The following ANK3 variants were observed in gnomAD, a reference collection of about 807,000 sequenced individuals.
ANK3 encodes the protein ankyrin-3.
In ANK3, 57 loss-of-function variants were observed where a neutral mutation model predicts 370.9. The ratio of observed to expected loss-of-function variants is 0.15; its 90% CI spans 0.12 to 0.19. The LOEUF is 0.19. ANK3 is among the 10% of genes least tolerant of loss of function. The probability of loss-of-function intolerance (pLI) is 1.00; values close to 1 mark genes in which losing one functional copy is unlikely to be tolerated. For synonymous variants in ANK3, 1,929 were observed against 1,946.3 expected (o/e 0.99, Z 0.23); for missense variants, 4,439 against 5,302.1 (o/e 0.84, Z 5.06).
chr10:60,524,290 A>T (rs375093052), intron 2 of ANK3, among the ~76,000 whole-genome samples: 2 of 152,086 alleles, frequency 1.3e-5, no homozygotes, highest in South Asian at 2.1e-4. Flanking sequence ...TTAAGCAGCA[A>T]CCTGGAACCT....
rs190128142 is a variant in ANK3 at position 60,037,455 on chromosome 10, C to T, written c.*19+5217G>A. On this transcript the variant is annotated intron_variant, in intron 43 of 43. Coordinates refer to ENST00000280772, the MANE Select transcript of ANK3 (RefSeq NM_020987.5). The stretch of plus-strand genomic sequence containing the variant: ...TTTTTCCTCTCCTCTCCCCTCTCAC[C>T]CTCAAGTAGATCCCAGTGTCTGTTT... Among the ~76,000 whole-genome samples, 353 of 152,252 alleles carry T rather than the reference C, an allele frequency of 2.3e-3. 1 individual carries two copies. Among genetic ancestry groups the T allele is most frequent in the African/African-American group, 8.1e-3 (336 of 41,548 alleles).
intron 1 of ANK3, among the ~76,000 whole-genome samples, chr10:60,341,307 G>C (rs1031245577): frequency 6.6e-6 from 1 of 152,102 alleles, no homozygotes; most frequent in Non-Finnish European, 1.5e-5. Flanking sequence ...CTTTATAAGA[G>C]CTCATGTATC....
chr10:60,213,344 A>C, intron 9 of ANK3, 68 bp downstream of exon 9: 2 of 1,075,734 alleles, frequency 1.9e-6, no homozygotes, highest in Non-Finnish European at 2.8e-6. Context: ...TATGTGATTC[A>C]AAAGGCTAGA....
rs1228633265 is a variant in ANK3 at position 60,157,887 on chromosome 10, AGAGAGAGAG to A, written c.2614+8695_2614+8703del. 0.02 allele frequency among the ~76,000 whole-genome samples: 89 copies of A among 4,446 alleles called. No homozygotes were observed. The East Asian group carries it at 0.22, about 11-fold the overall frequency. The allele number at this position is 4,446 out of a possible 152,430, so 2.9% of individuals were successfully genotyped here. Reference sequence around the variant, plus strand: ...GAGAGACAGAGAGAGAGAGAGAAAAAGAGAGAGAGAGAGAGAGAGAGAGAGAGAGAGAGA... The same window carrying A: ...GAGAGACAGAGAGAGAGAGAGAAAAAAGAGAGAGAGAGAGAGAGAGAGAGA... On this transcript the variant is annotated intron_variant, in intron 23 of 43. Coordinates refer to ENST00000280772, the MANE Select transcript of ANK3 (RefSeq NM_020987.5).
intron 28 of ANK3, among the ~76,000 whole-genome samples, chr10:60,088,849 T>C (rs1218282574): frequency 6.6e-6 from 1 of 152,084 alleles, no homozygotes; most frequent in East Asian, 1.9e-4. Context: ...ACTATTAATA[T>C]AAGTATTTGT....
chr10:60,272,734 T>C (rs2098017252), intron 4 of ANK3, among the ~76,000 whole-genome samples: 1 of 152,150 alleles, frequency 6.6e-6, no homozygotes. Context: ...TGCCTCAGCC[T>C]CCCAAAGTGT....
intron 2 of ANK3, among the ~76,000 whole-genome samples, chr10:60,590,546 C>A (rs1021074322): frequency 1.3e-5 from 2 of 152,150 alleles, no homozygotes; most frequent in Non-Finnish European, 2.9e-5. Flanking sequence ...ACTATGTTTT[C>A]AAGATCAACT....
chr10:60,447,337 G>C lies in ANK3; in HGVS notation c.97-167698C>G, dbSNP rs75051630. ...GTATCCAACTGAGGGTGTTGAGAAG[G>C]ATGGTGATGGTTCAGGAAAGGCAAA... On this transcript the variant is annotated intron_variant, in intron 2 of 43. Transcript: ENST00000373827. Among the ~76,000 whole-genome samples the C allele has an allele frequency of 3.6e-3, 549 of 152,322 alleles. 5 individuals are homozygous for C. Among genetic ancestry groups the C allele is most frequent in the African/African-American group, 0.011 (470 of 41,558 alleles).
chr10:60,261,867 T>A lies in ANK3; in HGVS notation c.790A>T (p.Thr264Ser), dbSNP rs1485801472. ...CATTGCTGTGCTCTTACCCTTGCGG[T>A]GAAATCCACAGCAGCCGCTCGGTTT... ...LLNRAAAVDF[T>S]ARNDITPLHV... Residue 264 changes from threonine to serine, a missense_variant, in exon 7 of 44, where the codon ACC (threonine) becomes TCC (serine). Coordinates refer to ENST00000280772, the MANE Select transcript of ANK3 (RefSeq NM_020987.5). 6.2e-7 allele frequency: 1 copy of A among 1,613,880 alleles called. No homozygotes were observed. Among genetic ancestry groups the A allele is most frequent in the Admixed American group, 1.7e-5 (1 of 60,016 alleles).
chr10:60,124,924 G>A (rs937283854), intron 25 of ANK3, among the ~76,000 whole-genome samples: 8 of 152,136 alleles, frequency 5.3e-5, no homozygotes, highest in Non-Finnish European at 7.4e-5. Flanking sequence ...ATGAGATGAT[G>A]CATTTAATAA....
At position 60,203,036 on chromosome 10, in the gene ANK3, A is replaced by G; in HGVS notation, c.1358T>C (p.Met453Thr). 6.2e-7 allele frequency: 1 copy of G among 1,613,428 alleles called. No homozygotes were observed. Among genetic ancestry groups the G allele is most frequent in the Non-Finnish European group, 8.5e-7 (1 of 1,179,590 alleles). ...GGTGTTTGGTGAGGCTCCATGATGCATTAGTTGTGATACAATATTTACATG... is the reference window on the plus strand; with the variant it reads ...GGTGTTTGGTGAGGCTCCATGATGCGTTAGTTGTGATACAATATTTACATG... ...MGHVNIVSQLMHHGASPNTTN... is the reference protein window; with the variant it reads ...MGHVNIVSQLTHHGASPNTTN... Residue 453 changes from methionine to threonine, a missense_variant, in exon 12 of 44, where the codon ATG becomes ACG. Physicochemically the swap from Met to Thr is moderately conservative, Grantham distance 81. Transcript: ENST00000280772.
chr10:60,131,923 A>G (rs1313651118), intron 25 of ANK3, among the ~76,000 whole-genome samples: 2 of 152,214 alleles, frequency 1.3e-5, no homozygotes, highest in African/African-American at 4.8e-5. Flanking sequence ...TCCCTGGCAC[A>G]TGCTTTCTAC....
intron 8 of ANK3, among the ~76,000 whole-genome samples, chr10:60,224,376 G>A (rs762259549): frequency 2.0e-5 from 3 of 152,096 alleles, no homozygotes; most frequent in Non-Finnish European, 4.4e-5. Flanking sequence ...GTGAGGAGGG[G>A]AACTGCACGT....
At chr10:60,039,293 C>T (rs1034911442) in intron 43 of ANK3, among the ~76,000 whole-genome samples, 1 of 152,228 alleles carries the variant, frequency 6.6e-6, no homozygotes, top group East Asian at 1.9e-4. Flanking sequence ...GAGCATTTTC[C>T]TAGAGGAGGT....
At chr10:60,547,400 T>G (rs921448070) in intron 2 of ANK3, among the ~76,000 whole-genome samples, 1 of 151,840 alleles carries the variant, frequency 6.6e-6, no homozygotes, top group Non-Finnish European at 1.5e-5. Context: ...CCTTTTCTTT[T>G]TTCTTTTCTT....
At chr10:60,314,333 T>G (rs922208181) in intron 1 of ANK3, among the ~76,000 whole-genome samples, 3 of 152,214 alleles carry the variant, frequency 2.0e-5, no homozygotes, top group Non-Finnish European at 4.4e-5. Context: ...TAAAAAGTCA[T>G]TGTTATTCAT....
At chr10:60,406,498 G>A (rs1705594045) in intron 2 of ANK3, among the ~76,000 whole-genome samples, 1 of 152,148 alleles carries the variant, frequency 6.6e-6, no homozygotes, top group Non-Finnish European at 1.5e-5. Context: ...TCCCTCACAT[G>A]TGCACTTCAC....
At chr10:60,170,374 G>T (rs2393617) in intron 21 of ANK3, among the ~76,000 whole-genome samples, 151,056 of 152,290 alleles carry the variant, frequency 0.99, 74,926 homozygotes, top group Middle Eastern at 1. Flanking sequence ...GGCTGAGCTA[G>T]AGTTATTAGC....
At chr10:60,583,755 T>G (rs1484741876) in intron 2 of ANK3, among the ~76,000 whole-genome samples, 1 of 151,972 alleles carries the variant, frequency 6.6e-6, no homozygotes, top group African/African-American at 2.4e-5. Flanking sequence ...GCTAATTTTT[T>G]GGGTATTTTT....
Sources: allele counts gnomAD v4.1 joint callset (sites outside exome capture counted in the v4.1 genomes callset), GRCh38; gene constraint gnomAD v4.1.1; transcripts MANE v1.5; gene names NCBI Gene and HGNC (gene_info 2026-07-23, HGNC 2026-07-21).